TDRD12: variants seen among roughly 807,000 people sequenced by gnomAD.
TDRD12 encodes putative ATP-dependent RNA helicase TDRD12.
TDRD12 carries 158 observed loss-of-function variants against 133.5 expected under a neutral mutation model. That is an observed-to-expected ratio of 1.18 (90% CI 1.04 to 1.35). TDRD12 has a LOEUF of 1.35. Among genes scored for constraint, TDRD12 ranks in the 40% most tolerant of loss-of-function variants. The pLI is 0.00. For synonymous variants in TDRD12, 460 were observed against 477.9 expected (o/e 0.96, Z 0.49); for missense variants, 1,443 against 1,321.3 (o/e 1.09, Z -1.43).
chr19:32,722,367 T>C (rs1452496224), intron 1 of TDRD12, among the ~76,000 whole-genome samples: 4 of 152,134 alleles, frequency 2.6e-5, no homozygotes, highest in Non-Finnish European at 5.9e-5. Context: ...CTCTTTCATT[T>C]ACCTGCTCAA....
intron 2 of TDRD12, among the ~76,000 whole-genome samples, chr19:32,737,393 C>T (rs968943016): frequency 9.2e-5 from 14 of 151,920 alleles, no homozygotes; most frequent in African/African-American, 3.1e-4. Flanking sequence ...TTAGTAGAGA[C>T]GGGGTTTTTC....
At chr19:32,826,250 C>T (rs1275742840), downstream of TDRD12, 11 of 1,473,050 alleles carry the variant, frequency 7.5e-6, no homozygotes, top group African/African-American at 1.4e-5. Flanking sequence ...CTAGCTTCCA[C>T]CCACAAATAA....
chr19:32,740,420 G>GCTCTCTGCATCTCCTGGGTA (rs1323987628), intron 3 of TDRD12, among the ~76,000 whole-genome samples: 3 of 120,800 alleles, frequency 2.5e-5, no homozygotes, highest in Non-Finnish European at 3.4e-5. Context: ...TCTCCTGGGT[G>GCTCTCTGCATCTCCTGGGTA]CTCTCTGCAT....
intron 22 of TDRD12, among the ~76,000 whole-genome samples, chr19:32,809,668 A>G (rs1179530931): frequency 2.0e-5 from 3 of 152,200 alleles, no homozygotes; most frequent in Non-Finnish European, 4.4e-5. Context: ...TCCCTGTAGG[A>G]CAGTTTCATC....
chr19:32,748,332 A>G, intron 4 of TDRD12, 144 bp from the exon 5 acceptor site: 1 of 761,622 alleles, frequency 1.3e-6, no homozygotes, highest in Non-Finnish European at 2.1e-6. Context: ...CCCCCAGAGC[A>G]GGGCCAGTGC....
chr19:32,747,138 CAT>C (rs571033803), intron 4 of TDRD12, among the ~76,000 whole-genome samples: 41 of 148,838 alleles, frequency 2.8e-4, no homozygotes, highest in East Asian at 2.2e-3. Context: ...GAGACTGACT[CAT>C]GTGGTTATTC....
chr19:32,783,948 T>C (rs192223492), intron 11 of TDRD12, among the ~76,000 whole-genome samples: 1 of 152,314 alleles, frequency 6.6e-6, no homozygotes, highest in East Asian at 1.9e-4. Context: ...TTTGAATACC[T>C]TTATTGCTTT....
chr19:32,806,105 TTG>T (rs1971540710), intron 21 of TDRD12, among the ~76,000 whole-genome samples: 1 of 152,114 alleles, frequency 6.6e-6, no homozygotes, highest in South Asian at 2.1e-4. Context: ...AGTGCATTGA[TTG>T]TGTTGATCAG....
At chr19:32,731,288 C>T (rs1200373524) in intron 1 of TDRD12, among the ~76,000 whole-genome samples, 1 of 152,028 alleles carries the variant, frequency 6.6e-6, no homozygotes, top group African/African-American at 2.4e-5. Context: ...GGCACAGTGG[C>T]TTATGTCTGT....
intron 1 of TDRD12, among the ~76,000 whole-genome samples, chr19:32,728,101 C>T (rs754363856): frequency 1.7e-4 from 26 of 152,192 alleles, no homozygotes; most frequent in Non-Finnish European, 3.1e-4. Context: ...TCTGGACTCT[C>T]TATTCTACTC....
chr19:32,797,842 A>C, exon 15 of TDRD12: 1 of 702,180 alleles, frequency 1.4e-6, no homozygotes, highest in East Asian at 2.7e-5. Flanking sequence ...TGCTATTAAC[A>C]ATTGGGCTCC....
rs1172290431 is a variant in TDRD12, at chr19:32,796,996, T to TTG, written c.1474-738_1474-737insGT. 1.1e-4 allele frequency among the ~76,000 whole-genome samples: 16 copies of TTG among 151,514 alleles called. 1 individual carries two copies. Among genetic ancestry groups the TTG allele is most frequent in the African/African-American group, 3.9e-4 (16 of 41,306 alleles). Reference sequence around the variant, plus strand: ...AGAGGTTCGTCTTTTTTTTTTTTTTTTTGAGATGGAGTCTCGCTCTGTCAC... The same window carrying TTG: ...AGAGGTTCGTCTTTTTTTTTTTTTTTTGTTGAGATGGAGTCTCGCTCTGTCAC... On this transcript the variant is annotated intron_variant, in intron 14 of 27. Coordinates refer to ENST00000444215, the Ensembl canonical transcript of TDRD12.
intron 11 of TDRD12, among the ~76,000 whole-genome samples, chr19:32,785,302 T>G (rs1388502192): frequency 6.6e-6 from 1 of 152,232 alleles, no homozygotes; most frequent in African/African-American, 2.4e-5. Context: ...AGTTCTAATT[T>G]GATTGCACTC....
At position 32,796,179 on chromosome 19, in the gene TDRD12, C is replaced by G. The variant is rs928971485; in HGVS notation, c.1473+1366C>G. ...CTCGGGGCCTGGCACTGAGGGTGCT[C>G]CAGACGGGGCTCCACCAGTGAAAAA... is the stretch of plus-strand genomic sequence containing the variant. On this transcript the variant is annotated intron_variant, in intron 14 of 27. Transcript: ENST00000444215. 7.1e-6 allele frequency: 7 copies of G among 985,134 alleles called. No individual in the cohort carries two copies. The African/African-American group carries it at 1.2e-4, about 17-fold the overall frequency. 61.0% of individuals were successfully genotyped at this position (985,134 alleles called of 1,614,324 possible). A position where few individuals can be genotyped will look rare whatever the true frequency, so the allele number is the denominator to read the frequency against.
Position 32,724,620 on chromosome 19 carries a change from A to G in TDRD12, c.24+4524A>G, listed in dbSNP as rs150970021. 3.1e-3 allele frequency among the ~76,000 whole-genome samples: 476 copies of G among 152,308 alleles called. 3 individuals carry two copies. Among genetic ancestry groups the G allele is most frequent in the African/African-American group, 0.011 (437 of 41,574 alleles). On this transcript the variant is annotated intron_variant, in intron 1 of 27. Transcript: ENST00000444215. ...GTACCAAATTTTCTTTATCCAGTCT[A>G]TCACTGATGGGCATTTGGGTTGATT...
chr19:32,790,560 T>C (rs770224989), exon 12 of TDRD12: 1 of 1,551,984 alleles, frequency 6.4e-7, no homozygotes, highest in South Asian at 1.2e-5. Flanking sequence ...CCTGATCCTT[T>C]GAGAGCTGAC....
At chr19:32,720,021 G>C (rs901929712) in exon 1 of TDRD12, 8 of 1,544,006 alleles carry the variant, frequency 5.2e-6, no homozygotes, top group Admixed American at 3.9e-5. Flanking sequence ...CACCCGCGAC[G>C]GTAGGGGACT....
chr19:32,766,012 C>G (rs969561170), intron 8 of TDRD12, among the ~76,000 whole-genome samples: 1 of 151,752 alleles, frequency 6.6e-6, no homozygotes, highest in African/African-American at 2.4e-5. Context: ...GCTCTGAAAT[C>G]TACCTTAATA....
intron 24 of TDRD12, among the ~76,000 whole-genome samples, chr19:32,812,423 T>C (rs1279659685): frequency 6.6e-6 from 1 of 152,222 alleles, no homozygotes; most frequent in Non-Finnish European, 1.5e-5. Flanking sequence ...ATTGGTAAAG[T>C]ACAAACAGTT....
Sources: allele counts gnomAD v4.1 joint callset (sites outside exome capture counted in the v4.1 genomes callset), GRCh38; gene constraint gnomAD v4.1.1; transcripts MANE v1.5; gene names NCBI Gene and HGNC (gene_info 2026-07-23, HGNC 2026-07-21).